Variants in KANSL1L observed in about 807,000 individuals in gnomAD.
The protein encoded by KANSL1L is KAT8 regulatory NSL complex subunit 1 like, also known as KAT8 regulatory NSL complex subunit 1-like protein.
KANSL1L carries 25 observed loss-of-function variants against 108.6 expected under a neutral mutation model. The observed-to-expected ratio is 0.23, with a 90% CI of 0.17 to 0.32. KANSL1L has a LOEUF of 0.32. Ranked by LOEUF, KANSL1L falls within the 10% of genes least tolerant of loss-of-function variation. The pLI, the probability that KANSL1L is intolerant of heterozygous loss-of-function variation, is 1.00. For missense variants in KANSL1L, 1,137 were observed against 1,125.7 expected (o/e 1.01, Z -0.14); for synonymous variants, 405 against 395.1 (o/e 1.03, Z -0.30).
intron 8 of KANSL1L, among the ~76,000 whole-genome samples, chr2:210,038,147 G>A (rs902428273): frequency 6.6e-6 from 1 of 151,848 alleles, no homozygotes; most frequent in African/African-American, 2.4e-5. Flanking sequence ...TCAAGTTGTT[G>A]CTAATTTTTC....
At chr2:210,049,036 A>C (rs543934605) in intron 6 of KANSL1L, among the ~76,000 whole-genome samples, 1 of 152,306 alleles carries the variant, frequency 6.6e-6, no homozygotes, top group Non-Finnish European at 1.5e-5. Flanking sequence ...AGTTCTCTGC[A>C]TCTCTGTACA....
chr2:210,071,413 A>G (rs1019142126), intron 6 of KANSL1L, among the ~76,000 whole-genome samples: 2 of 151,826 alleles, frequency 1.3e-5, no homozygotes, highest in Admixed American at 1.3e-4. Flanking sequence ...GACTACAGGC[A>G]CAAACCATGA....
In KANSL1L at chr2:210,081,349, A is replaced by T. The variant is rs13414288; in HGVS notation, c.1551-5593T>A. Among the ~76,000 whole-genome samples, 260 of 152,238 alleles carry T rather than the reference A, an allele frequency of 1.7e-3. 2 individuals carry two copies. The highest frequency in any genetic ancestry group is 6.1e-3 in the African/African-American group (253 of 41,548). ...TATTTTTGCTTCCTAGAATCTTCAC[A>T]CATCCTCTTCACTACATAATTTCCA... On this transcript the variant is annotated intron_variant, in intron 5 of 14. Transcript: ENST00000281772.
At chr2:210,102,418 T>C (rs905609326) in intron 4 of KANSL1L, among the ~76,000 whole-genome samples, 1 of 152,184 alleles carries the variant, frequency 6.6e-6, no homozygotes, top group African/African-American at 2.4e-5. Flanking sequence ...AAGGACTTCA[T>C]GTCTAAAACA....
At chr2:210,125,082 C>T (rs1156567008) in intron 3 of KANSL1L, among the ~76,000 whole-genome samples, 4 of 151,918 alleles carry the variant, frequency 2.6e-5, no homozygotes, top group African/African-American at 7.3e-5. Context: ...GGTGAAATCC[C>T]GTCTCTACTA....
chr2:210,024,418 G>C (rs956377865), intron 13 of KANSL1L, among the ~76,000 whole-genome samples: 4 of 152,018 alleles, frequency 2.6e-5, no homozygotes, highest in South Asian at 4.1e-4. Context: ...TAACAGTTGT[G>C]GGGGGAGGGT....
chr2:210,044,124 T>G lies in KANSL1L; in HGVS notation c.1756-20A>C. 6.5e-7 allele frequency: 1 copy of G among 1,544,050 alleles called. No individual in the cohort carries two copies. Among genetic ancestry groups the G allele is most frequent in the Non-Finnish European group, 8.8e-7 (1 of 1,142,810 alleles). On this transcript the variant is annotated intron_variant, in intron 6 of 14. Coordinates refer to ENST00000281772, the MANE Select transcript of KANSL1L (RefSeq NM_152519.4). This position sits in a 1 kb window ranked among gnomAD's most constrained non-coding sequence, Gnocchi z 4.2. ...CAAAGTCTGCAAGGAAAAACCGTAT[T>G]AGAATATCACAGCCAAAGCATCCAT...
At chr2:210,166,586 A>C (rs544227868) in intron 1 of KANSL1L, among the ~76,000 whole-genome samples, 10 of 152,222 alleles carry the variant, frequency 6.6e-5, no homozygotes, top group African/African-American at 2.4e-4. Context: ...GAATGCATAC[A>C]TATATTCCAT....
At chr2:210,126,488 T>C (rs1387053485) in intron 3 of KANSL1L, among the ~76,000 whole-genome samples, 3 of 151,994 alleles carry the variant, frequency 2.0e-5, no homozygotes, top group African/African-American at 7.2e-5. Flanking sequence ...CAAAATCTCA[T>C]GAGACCTCAA....
At chr2:210,052,558 C>T (rs138378514) in intron 6 of KANSL1L, among the ~76,000 whole-genome samples, 6 of 152,308 alleles carry the variant, frequency 3.9e-5, no homozygotes, top group Non-Finnish European at 7.3e-5. Context: ...AATCTAACGT[C>T]AGTTATTCCA....
rs140941479 is a variant in KANSL1L at position 210,114,934 on chromosome 2, C to A, written c.1231-10633G>T. Among the ~76,000 whole-genome samples the A allele has an allele frequency of 4.2e-3, 637 of 151,214 alleles. 16 individuals carry two copies. Among genetic ancestry groups the A allele is most frequent in the Admixed American group, 0.037 (568 of 15,198 alleles). On this transcript the variant is annotated intron_variant, in intron 3 of 14. Transcript: ENST00000281772. The stretch of plus-strand genomic sequence containing the variant: ...TAGGCAACCACAAAGAAAATATCTA[C>A]AGAATATATATAAAAGGAAATGAGA...
intron 5 of KANSL1L, among the ~76,000 whole-genome samples, chr2:210,076,491 G>A (rs1293159147): frequency 1.3e-5 from 2 of 151,952 alleles, no homozygotes; most frequent in Non-Finnish European, 2.9e-5. Context: ...CTGGCTATTA[G>A]TTGCTCTTAT....
chr2:210,031,958 T>C (rs999345950), intron 8 of KANSL1L, among the ~76,000 whole-genome samples: 1 of 152,246 alleles, frequency 6.6e-6, no homozygotes, highest in African/African-American at 2.4e-5. Flanking sequence ...TTAATATCTC[T>C]GATGCCTTAG....
chr2:210,063,908 T>G (rs559526821), intron 6 of KANSL1L: 39 of 152,202 alleles, frequency 2.6e-4, no homozygotes, highest in African/African-American at 8.4e-4. Flanking sequence ...TTTTGAAATG[T>G]GAGGACGTGA....
At chr2:210,060,669 C>T (rs556485103) in intron 6 of KANSL1L, among the ~76,000 whole-genome samples, 32 of 152,140 alleles carry the variant, frequency 2.1e-4, no homozygotes, top group East Asian at 3.9e-4. Flanking sequence ...ATTAGCAGGT[C>T]AACTAGTGAC....
At position 210,051,980 on chromosome 2, in the gene KANSL1L, A is replaced by C. The variant is rs1376330269; in HGVS notation, c.1756-7876T>G. Reference sequence around the variant, plus strand: ...TTTTAATTATAGCTATTTTATTTTAAATTTCTTTCTTTCTTCTTTCCTTTT... The same window carrying C: ...TTTTAATTATAGCTATTTTATTTTACATTTCTTTCTTTCTTCTTTCCTTTT... On this transcript the variant is annotated intron_variant, in intron 6 of 14. Transcript: ENST00000281772. Among the ~76,000 whole-genome samples, 4 of 149,266 alleles carry C rather than the reference A, an allele frequency of 2.7e-5. No individual in the cohort carries two copies. The East Asian group carries it at 7.8e-4, about 29-fold the overall frequency.
At chr2:210,091,312 AT>A (rs577308354) in intron 5 of KANSL1L, among the ~76,000 whole-genome samples, 94 of 152,320 alleles carry the variant, frequency 6.2e-4, no homozygotes, top group Middle Eastern at 3.4e-3. Flanking sequence ...ATGAAGGCAA[AT>A]GTGACCTCCT....
chr2:210,121,543 G>A (rs959071245), intron 3 of KANSL1L, among the ~76,000 whole-genome samples: 10 of 151,920 alleles, frequency 6.6e-5, no homozygotes, highest in Non-Finnish European at 1.2e-4. Flanking sequence ...ACAACTAATG[G>A]GTACTAGGCT....
At position 210,060,979 on chromosome 2, in the gene KANSL1L, C is replaced by G. The variant is rs147152636; in HGVS notation, c.1755+14573G>C. ...AGTAATCACCACTGCTACTCCCCAC[C>G]CCCAATATGGAGGAGGGTGATTGGG... On this transcript the variant is annotated intron_variant, in intron 6 of 14. Transcript: ENST00000281772. Among the ~76,000 whole-genome samples the G allele has an allele frequency of 2.8e-3, 427 of 152,280 alleles. 3 individuals are homozygous for G. The highest frequency in any genetic ancestry group is 1.0e-2 in the African/African-American group (415 of 41,556).
Sources: gnomAD v4.1 joint callset for allele counts (sites outside exome capture counted in the v4.1 genomes callset) on GRCh38, gnomAD v4.1.1 for gene constraint, Gnocchi (gnomAD v3.1) non-coding constraint, MANE v1.5 for transcripts, NCBI Gene and HGNC (gene_info 2026-07-23, HGNC 2026-07-21) for gene names.